MRC1: variants seen among roughly 807,000 people sequenced by gnomAD.
MRC1 encodes the protein mannose receptor C-type 1.
In MRC1, 62 loss-of-function variants were observed where a neutral mutation model predicts 102.9. That is an observed-to-expected ratio of 0.60 (90% CI 0.49 to 0.74). MRC1 has a LOEUF of 0.74. Among genes scored for constraint, MRC1 ranks in the 30% least tolerant of loss-of-function variants. The probability of loss-of-function intolerance (pLI) is 0.00; values close to 1 mark genes in which losing one functional copy is unlikely to be tolerated. For synonymous variants in MRC1, 457 were observed against 298.4 expected, an observed-to-expected ratio of 1.53 and a Z score of -5.48; for missense variants, 1,237 against 862.8, an observed-to-expected ratio of 1.43 and a Z score of -5.43.
At chr10:17,821,759 A>G (rs1838399787) in intron 1 of MRC1, among the ~76,000 whole-genome samples, 1 of 152,210 alleles carries the variant, frequency 6.6e-6, no homozygotes, top group Non-Finnish European at 1.5e-5. Flanking sequence ...CTTTGGAAAC[A>G]CTGAAGGACG....
intron 27 of MRC1, 28 bp downstream of exon 27, chr10:17,907,027 C>G: frequency 2.6e-6 from 2 of 779,936 alleles, no homozygotes; most frequent in Non-Finnish European, 4.8e-6. Flanking sequence ...CTTATTTAAT[C>G]ACAAATATTG....
chr10:17,850,596 G>C (rs1483212035), intron 7 of MRC1, among the ~76,000 whole-genome samples: 1 of 152,104 alleles, frequency 6.6e-6, no homozygotes, highest in African/African-American at 2.4e-5. Flanking sequence ...AATGATAATG[G>C]GCACTCAGCA....
intron 9 of MRC1, among the ~76,000 whole-genome samples, chr10:17,857,668 A>G (rs1248415013): frequency 6.6e-6 from 1 of 152,236 alleles, no homozygotes; most frequent in Non-Finnish European, 1.5e-5. Context: ...TGTTTGAGGC[A>G]GTGCTTTCCT....
chr10:17,868,982 C>T (rs1204432446), intron 12 of MRC1, among the ~76,000 whole-genome samples: 1 of 152,158 alleles, frequency 6.6e-6, no homozygotes, highest in Non-Finnish European at 1.5e-5. Context: ...CATCTTATTC[C>T]TAGCCTTCGC....
At chr10:17,866,465 C>T (rs1189381889) in intron 11 of MRC1, 97 bp from the exon 12 acceptor site, 18 of 778,890 alleles carry the variant, frequency 2.3e-5, no homozygotes, top group East Asian at 1.9e-4. Flanking sequence ...AATTGGGCAT[C>T]AGAACCCTGA....
intron 25 of MRC1, among the ~76,000 whole-genome samples, chr10:17,901,547 G>C (rs1219876942): frequency 6.6e-6 from 1 of 152,048 alleles, no homozygotes; most frequent in Non-Finnish European, 1.5e-5. Flanking sequence ...AAACTAGCTG[G>C]GTCTGGTGGC....
intron 1 of MRC1, among the ~76,000 whole-genome samples, chr10:17,816,752 C>A (rs1041302335): frequency 1.1e-4 from 16 of 152,186 alleles, no homozygotes; most frequent in Admixed American, 4.6e-4. Flanking sequence ...GCTTCTCTGT[C>A]TTCCAGAAGT....
Position 17,873,784 on chromosome 10 carries a change from G to A in MRC1, c.2345G>A (p.Gly782Glu). 2.3e-6 allele frequency: 2 copies of A among 872,526 alleles called. No homozygotes were observed. The highest frequency in any genetic ancestry group is 4.0e-6 in the Non-Finnish European group (2 of 501,380). The allele number at this position is 872,526 out of a possible 1,614,324, so 54.0% of individuals were successfully genotyped here. ...LNNWICQIQK[G>E]QTPKPEPTPA... ...TTTCTATTTTTCTCTTGTTTTACAG[G>A]ACAAACACCAAAACCTGAGCCAACA... Residue 782 changes from glycine to glutamate, a missense_variant and splice_region_variant, in exon 16 of 30, where the codon GGA becomes GAA. Gly to Glu is a moderately conservative substitution (Grantham distance 98, BLOSUM62 -2). Transcript: ENST00000569591.
intron 6 of MRC1, among the ~76,000 whole-genome samples, chr10:17,847,139 C>A (rs1245157377): frequency 7.0e-6 from 1 of 143,136 alleles, no homozygotes; most frequent in East Asian, 2.1e-4. Flanking sequence ...TATTCCTCCT[C>A]TAGGAGAAAT....
intron 22 of MRC1, among the ~76,000 whole-genome samples, chr10:17,886,622 C>T (rs956540243): frequency 6.6e-6 from 1 of 152,112 alleles, no homozygotes; most frequent in African/African-American, 2.4e-5. Flanking sequence ...GGGTGGCCTC[C>T]AACTCCTGAC....
intron 22 of MRC1, among the ~76,000 whole-genome samples, chr10:17,887,386 G>A (rs993493965): frequency 1.3e-3 from 197 of 152,028 alleles, no homozygotes; most frequent in African/African-American, 4.6e-3. Flanking sequence ...GCGAGACTCC[G>A]CCTCAAAACA....
Position 17,860,189 on chromosome 10 carries a change from C to T in MRC1, c.1519-1198C>T, listed in dbSNP as rs957100536. Among the ~76,000 whole-genome samples, 176 of 152,096 alleles carry T rather than the reference C, an allele frequency of 1.2e-3. 1 individual carries two copies. The highest frequency in any genetic ancestry group is 3.9e-3 in the African/African-American group (163 of 41,504). ...TCAGCTTTTAGTATTCTACTAAATTCGGGTACCTGGAGTTTTCCCCCTTCT... is the reference window on the plus strand; with the variant it reads ...TCAGCTTTTAGTATTCTACTAAATTTGGGTACCTGGAGTTTTCCCCCTTCT... On this transcript the variant is annotated intron_variant, in intron 9 of 29. Transcript: ENST00000569591.
chr10:17,833,925 T>C (rs1838621845), intron 4 of MRC1, 86 bp downstream of exon 4: 1 of 738,436 alleles, frequency 1.4e-6, no homozygotes, highest in Non-Finnish European at 2.5e-6. Flanking sequence ...CAAGTGTTTA[T>C]AGATGTTATG....
At chr10:17,876,246 CTT>C (rs1323985210) in intron 17 of MRC1, among the ~76,000 whole-genome samples, 12 of 138,706 alleles carry the variant, frequency 8.7e-5, no homozygotes, top group East Asian at 2.1e-4. Context: ...AACTCAGAAT[CTT>C]TTTTTTTTTT....
At position 17,880,575 on chromosome 10, in the gene MRC1, C is replaced by T. The variant is rs782352494; in HGVS notation, c.2770C>T (p.Arg924Ter). 6 of 780,806 alleles carry T rather than the reference C, an allele frequency of 7.7e-6. No individual in the cohort carries two copies. Among genetic ancestry groups the T allele is most frequent in the Non-Finnish European group, 1.4e-5 (6 of 417,946 alleles). The allele number at this position is 780,806 out of a possible 1,614,324, so 48.4% of individuals were successfully genotyped here. Residue 924 changes from arginine to a stop codon, truncating the protein, a stop_gained, in exon 20 of 30, where the codon CGA becomes TGA. Coordinates refer to ENST00000569591, the MANE Select transcript of MRC1 (RefSeq NM_002438.4). LOFTEE classifies it high-confidence loss of function. Reference sequence around the variant, plus strand: ...CTATCCAAACGCCTTCATTTGCCAGCGACATAACAGTAGTATCAATGCTAC... The same window carrying T: ...CTATCCAAACGCCTTCATTTGCCAGTGACATAACAGTAGTATCAATGCTAC... ...CGYPNAFICQRHNSSINATTV... is the reference protein window; with the variant it reads ...CGYPNAFICQ
chr10:17,867,370 T>C (rs1010779899), intron 12 of MRC1, among the ~76,000 whole-genome samples: 1 of 128,192 alleles, frequency 7.8e-6, no homozygotes, highest in Non-Finnish European at 1.7e-5. Context: ...TTCTCCTTCT[T>C]CTTCTTCTTC....
At chr10:17,840,543 T>A (rs941104002) in intron 4 of MRC1, 150 bp from the exon 5 acceptor site, 19 of 656,438 alleles carry the variant, frequency 2.9e-5, no homozygotes, top group Non-Finnish European at 3.9e-5. Flanking sequence ...CCTTAGGTTG[T>A]CAGGAGAATC....
At chr10:17,860,741 G>A (rs975588967) in intron 9 of MRC1, among the ~76,000 whole-genome samples, 54 of 152,258 alleles carry the variant, frequency 3.5e-4, no homozygotes, top group Middle Eastern at 3.4e-3. Flanking sequence ...ATTCTTTCCT[G>A]TGGTTACCTA....
At chr10:17,866,416 A>C in intron 11 of MRC1, 146 bp from the exon 12 acceptor site, 1 of 722,352 alleles carries the variant, frequency 1.4e-6, no homozygotes, top group Non-Finnish European at 2.5e-6. Context: ...AAATGTTAGA[A>C]ATATAAAGTG....
Sources: gnomAD v4.1 joint callset for allele counts (sites outside exome capture counted in the v4.1 genomes callset) on GRCh38, gnomAD v4.1.1 for gene constraint, MANE v1.5 for transcripts, NCBI Gene and HGNC (gene_info 2026-07-23, HGNC 2026-07-21) for gene names.